The following CEP70 variants were observed in gnomAD, a reference collection of about 807,000 sequenced individuals.
CEP70 encodes the protein centrosomal protein of 70 kDa.
Under a neutral mutation model 90.9 loss-of-function variants are expected in CEP70, and 70 were observed. The observed-to-expected ratio is 0.77, with a 90% CI of 0.64 to 0.94. The LOEUF is 0.94. CEP70 is among the 40% of genes least tolerant of loss of function. The pLI is 0.00. For synonymous variants in CEP70, 220 were observed against 228.3 expected (o/e 0.96, Z 0.33); for missense variants, 648 against 669.0 (o/e 0.97, Z 0.35).
intron 3 of CEP70, among the ~76,000 whole-genome samples, chr3:138,572,124 A>G (rs1309467691): frequency 6.6e-6 from 1 of 152,166 alleles, no homozygotes; most frequent in East Asian, 1.9e-4. Context: ...AAATCAAAAC[A>G]TACCTGACTA....
rs764080419 is a variant in CEP70 at position 138,568,417 on chromosome 3, TA to T, written c.465+1900del. Among the ~76,000 whole-genome samples the T allele has an allele frequency of 6.6e-5, 10 of 152,306 alleles. No individual in the cohort carries two copies. The East Asian group carries it at 1.9e-3, about 29-fold the overall frequency. On this transcript the variant is annotated intron_variant, in intron 6 of 17. Coordinates refer to ENST00000264982, the MANE Select transcript of CEP70 (RefSeq NM_024491.4). ...ATTACATCTCAACCTGTCTGAAAGA[TA>T]AATAGATATCTTCCCCCAACAAAGA...
chr3:138,580,562 A>G (rs1328808056), intron 2 of CEP70, among the ~76,000 whole-genome samples: 1 of 152,180 alleles, frequency 6.6e-6, no homozygotes, highest in Non-Finnish European at 1.5e-5. Context: ...GGGTACAAAC[A>G]AGCCCAGACT....
chr3:138,555,291 T>C (rs1381290290), intron 6 of CEP70, among the ~76,000 whole-genome samples: 2 of 149,106 alleles, frequency 1.3e-5, no homozygotes, highest in Admixed American at 6.7e-5. Flanking sequence ...AGGACTTAAA[T>C]GACTTAAATC....
In CEP70 at chr3:138,588,549, C is replaced by A. The variant is rs114834304; in HGVS notation, c.-6+3305G>T. Among the ~76,000 whole-genome samples, 651 of 152,332 alleles carry A rather than the reference C, an allele frequency of 4.3e-3. 4 individuals carry two copies. The highest frequency in any genetic ancestry group is 0.015 in the African/African-American group (627 of 41,576). On this transcript the variant is annotated intron_variant, in intron 2 of 17. Coordinates refer to ENST00000264982, the MANE Select transcript of CEP70 (RefSeq NM_024491.4). Reference sequence around the variant, plus strand: ...AATTAAAACACACGATGTGACACCACTACACATATTAGAATGGCTAAGAAT... The same window carrying A: ...AATTAAAACACACGATGTGACACCAATACACATATTAGAATGGCTAAGAAT...
In CEP70 at chr3:138,537,196, T is replaced by C; in HGVS notation, c.617A>G (p.His206Arg). The C allele has an allele frequency of 6.4e-7, 1 of 1,572,656 alleles. No homozygotes were observed. The highest frequency in any genetic ancestry group is 8.6e-7 in the Non-Finnish European group (1 of 1,164,522). ...VFAYLCKRVP[H>R]TVLDRQLLCL... ...AAATTACTGTCTATCCAAGACGGTA[T>C]GAGGAACTCTTTTGCACAGATAGGC... The change falls in exon 7 of 18, where the codon CAT (histidine) becomes CGT (arginine). Residue 206 changes from histidine to arginine, a missense_variant. Physicochemically the swap from His to Arg is conservative, Grantham distance 29 (BLOSUM62 0). Coordinates refer to ENST00000264982, the MANE Select transcript of CEP70 (RefSeq NM_024491.4).
At chr3:138,557,749 A>G (rs898682125) in intron 6 of CEP70, among the ~76,000 whole-genome samples, 18 of 152,302 alleles carry the variant, frequency 1.2e-4, no homozygotes, top group African/African-American at 4.3e-4. Flanking sequence ...AATCACCACT[A>G]AAGTAATTAT....
At chr3:138,562,593 T>C (rs898633072) in intron 6 of CEP70, among the ~76,000 whole-genome samples, 15 of 152,190 alleles carry the variant, frequency 9.9e-5, no homozygotes, top group Admixed American at 7.2e-4. Context: ...GAATTTCATA[T>C]CTAGCCAAAC....
intron 6 of CEP70, among the ~76,000 whole-genome samples, chr3:138,562,427 A>G (rs536076490): frequency 3.3e-5 from 5 of 152,288 alleles, no homozygotes; most frequent in African/African-American, 1.2e-4. Flanking sequence ...CAAGGTTGAA[A>G]TGAAGGAAAA....
chr3:138,559,295 G>C (rs2040229847), intron 6 of CEP70, among the ~76,000 whole-genome samples: 1 of 152,004 alleles, frequency 6.6e-6, no homozygotes, highest in Non-Finnish European at 1.5e-5. Flanking sequence ...AGAAAATGAG[G>C]CAGAAACAAT....
intron 2 of CEP70, among the ~76,000 whole-genome samples, chr3:138,584,112 C>T (rs1288863321): frequency 6.6e-6 from 1 of 151,834 alleles, no homozygotes; most frequent in East Asian, 1.9e-4. Flanking sequence ...TGCAGAAATA[C>T]AAAGGATCAT....
At chr3:138,502,509 A>G (rs145494135) in intron 13 of CEP70, among the ~76,000 whole-genome samples, 212 of 152,142 alleles carry the variant, frequency 1.4e-3, no homozygotes, top group African/African-American at 4.9e-3. Flanking sequence ...ATGTCAAATG[A>G]ATGTTTTACA....
intron 6 of CEP70, among the ~76,000 whole-genome samples, chr3:138,547,687 C>T (rs1028246429): frequency 6.6e-6 from 1 of 152,050 alleles, no homozygotes; most frequent in Admixed American, 6.6e-5. Flanking sequence ...TAAGGGTTAC[C>T]TGAAAATAAG....
At chr3:138,515,930 G>A (rs767436594) in intron 11 of CEP70, among the ~76,000 whole-genome samples, 2 of 152,026 alleles carry the variant, frequency 1.3e-5, no homozygotes, top group Non-Finnish European at 2.9e-5. Context: ...TAAAACTCGG[G>A]AGACTTCTGA....
intron 6 of CEP70, among the ~76,000 whole-genome samples, chr3:138,558,878 C>T (rs1043308608): frequency 6.6e-6 from 1 of 152,164 alleles, no homozygotes; most frequent in African/African-American, 2.4e-5. Flanking sequence ...AAGTAATCCA[C>T]TGAGAACCAG....
At chr3:138,527,128 G>A (rs1216747011) in intron 10 of CEP70, among the ~76,000 whole-genome samples, 1 of 152,096 alleles carries the variant, frequency 6.6e-6, no homozygotes, top group Non-Finnish European at 1.5e-5. Context: ...AGAGGGGCAG[G>A]AGGGATTACA....
intron 6 of CEP70, among the ~76,000 whole-genome samples, chr3:138,547,088 C>T (rs2039267284): frequency 6.6e-6 from 1 of 152,170 alleles, no homozygotes; most frequent in Non-Finnish European, 1.5e-5. Context: ...TACTCTAGTA[C>T]CATGGGTTAC....
chr3:138,503,831 T>C (rs575527781), intron 13 of CEP70, among the ~76,000 whole-genome samples: 14 of 152,322 alleles, frequency 9.2e-5, no homozygotes, highest in African/African-American at 3.4e-4. Context: ...ATCTGCATCA[T>C]TCACTCAGAA....
At chr3:138,532,481 C>T (rs776477900) in intron 8 of CEP70, 33 bp downstream of exon 8, 4 of 1,465,030 alleles carry the variant, frequency 2.7e-6, no homozygotes, top group Non-Finnish European at 2.7e-6. Flanking sequence ...TGGATTAAAA[C>T]CTTTAAAAAC....
At chr3:138,590,606 C>G (rs1024797985) in intron 2 of CEP70, among the ~76,000 whole-genome samples, 6 of 151,278 alleles carry the variant, frequency 4.0e-5, no homozygotes, top group African/African-American at 1.5e-4. Context: ...CACAGTGCAG[C>G]TTGGCCAACA....
Sources: gnomAD v4.1 joint callset for allele counts (sites outside exome capture counted in the v4.1 genomes callset) on GRCh38, gnomAD v4.1.1 for gene constraint, MANE v1.5 for transcripts, NCBI Gene and HGNC (gene_info 2026-07-23, HGNC 2026-07-21) for gene names.